TET3: variants seen among roughly 807,000 people sequenced by gnomAD.
TET3 encodes tet methylcytosine dioxygenase 3, also known as methylcytosine dioxygenase TET3.
In TET3, 19 loss-of-function variants were observed where a neutral mutation model predicts 141.4. The ratio of observed to expected loss-of-function variants is 0.13; its 90% confidence interval spans 0.09 to 0.20. The LOEUF is 0.20. Ranked by LOEUF, TET3 falls within the 10% of genes least tolerant of loss-of-function variation. The probability of loss-of-function intolerance (pLI) is 1.00; values close to 1 mark genes in which losing one functional copy is unlikely to be tolerated. For missense variants in TET3, 1,874 were observed against 2,356.9 expected (o/e 0.80, Z 4.24); for synonymous variants, 1,043 against 980.9 (o/e 1.06, Z -1.18).
intron 3 of TET3, among the ~76,000 whole-genome samples, chr2:74,018,185 T>G (rs911657444): frequency 6.6e-6 from 1 of 152,162 alleles, no homozygotes. Flanking sequence ...CAGGCTGTTT[T>G]CGAACTCGCG....
At chr2:74,086,046 C>G (rs555996844) in intron 6 of TET3, among the ~76,000 whole-genome samples, 1 of 152,180 alleles carries the variant, frequency 6.6e-6, no homozygotes, top group African/African-American at 2.4e-5. Context: ...ATTTTCTGCC[C>G]CCACTTTCTA....
At chr2:74,020,010 T>C (rs1685950455) in intron 3 of TET3, among the ~76,000 whole-genome samples, 1 of 152,222 alleles carries the variant, frequency 6.6e-6, no homozygotes, top group South Asian at 2.1e-4. Flanking sequence ...AAGCAGAGCT[T>C]GTACAGAACA....
chr2:74,130,401 G>A, the TET3 span, among the ~76,000 whole-genome samples: 1 of 152,200 alleles, frequency 6.6e-6, no homozygotes, highest in Admixed American at 6.5e-5. Flanking sequence ...CAATATTAGC[G>A]CCAGTGCAGG....
chr2:74,037,961 G>A (rs1380020958), intron 3 of TET3, among the ~76,000 whole-genome samples: 5 of 152,174 alleles, frequency 3.3e-5, no homozygotes, highest in South Asian at 2.1e-4. Context: ...GGGGAGTGGC[G>A]TTCCACACTT....
At chr2:74,072,686 T>C (rs1422762286) in intron 4 of TET3, among the ~76,000 whole-genome samples, 10 of 152,214 alleles carry the variant, frequency 6.6e-5, no homozygotes, top group Non-Finnish European at 1.3e-4. Flanking sequence ...CTGACACCAC[T>C]GTCTGTTTCC....
chr2:74,013,320 T>C (rs989897860), intron 3 of TET3, among the ~76,000 whole-genome samples: 2 of 151,946 alleles, frequency 1.3e-5, no homozygotes, highest in African/African-American at 4.8e-5. Context: ...TAACATGCTG[T>C]TTGATTTGAT....
At position 74,047,602 on chromosome 2, in the gene TET3, C is replaced by T. The variant is rs763900798; in HGVS notation, c.1685C>T (p.Pro562Leu). The change falls in exon 4 of 12, where the codon CCA (proline) becomes CTA (leucine). Residue 562 changes from proline to leucine, a missense_variant. By Grantham distance (98) the Pro-to-Leu change is moderately conservative. Transcript: ENST00000409262. Reference protein sequence around the residue: ...SEPSAPGWWPPPSSPVPRLPD... With the variant: ...SEPSAPGWWPLPSSPVPRLPD... ...CCTTCTGCTCCTGGCTGGTGGCCCC[C>T]ACCAAGTTCACCTGTCCCACGGCTT... 2.5e-6 allele frequency: 4 copies of T among 1,613,748 alleles called. No homozygotes were observed. Among genetic ancestry groups the T allele is most frequent in the African/African-American group, 2.7e-5 (2 of 74,940 alleles).
intron 5 of TET3, among the ~76,000 whole-genome samples, chr2:74,076,441 G>GTTTTT (rs70965785): frequency 2.1e-4 from 12 of 56,582 alleles, no homozygotes; most frequent in African/African-American, 6.2e-4. Flanking sequence ...ATTCCTCTGG[G>GTTTTT]TTTTTTTTTT....
the TET3 span, among the ~76,000 whole-genome samples, chr2:74,119,352 CAAA>C: frequency 1.4e-4 from 15 of 107,586 alleles, no homozygotes; most frequent in Non-Finnish European, 1.3e-4. Flanking sequence ...GACTCTATCT[CAAA>C]AAAAAAAAAA....
chr2:74,025,101 G>A (rs1200008081), intron 3 of TET3, among the ~76,000 whole-genome samples: 1 of 150,974 alleles, frequency 6.6e-6, no homozygotes. Flanking sequence ...GCGGGTGCCT[G>A]TGGTCCCAGC....
chr2:74,086,227 TG>T (rs1383652449), intron 6 of TET3, among the ~76,000 whole-genome samples: 1 of 152,224 alleles, frequency 6.6e-6, no homozygotes, highest in African/African-American at 2.4e-5. Context: ...TGGCATTCTC[TG>T]GCAATTTTCA....
chr2:74,071,787 T>A (rs1689218174), intron 4 of TET3, among the ~76,000 whole-genome samples: 1 of 152,218 alleles, frequency 6.6e-6, no homozygotes, highest in Admixed American at 6.5e-5. Context: ...AGTTTTTTTG[T>A]TTTTAGCCTC....
intron 2 of TET3, among the ~76,000 whole-genome samples, chr2:74,001,989 GTGTT>G (rs1403672785): frequency 2.6e-5 from 4 of 152,070 alleles, no homozygotes; most frequent in African/African-American, 9.7e-5. Context: ...TGAGGTGTGG[GTGTT>G]TGTGTGTGTG....
At chr2:74,097,507 G>C (rs1011125313) in intron 10 of TET3, among the ~76,000 whole-genome samples, 2 of 152,128 alleles carry the variant, frequency 1.3e-5, no homozygotes, top group African/African-American at 2.4e-5. Flanking sequence ...TAATTGTCAG[G>C]AAAGAACTTT....
intron 3 of TET3, among the ~76,000 whole-genome samples, chr2:74,033,242 C>G (rs1022202833): frequency 1.3e-5 from 2 of 152,220 alleles, no homozygotes; most frequent in Admixed American, 1.3e-4. Flanking sequence ...GAAAGTTACT[C>G]ATCCTCTATC....
chr2:74,051,599 G>A (rs1296494901), intron 4 of TET3, among the ~76,000 whole-genome samples: 1 of 152,212 alleles, frequency 6.6e-6, no homozygotes, highest in East Asian at 1.9e-4. Flanking sequence ...CCTGTGGTAG[G>A]AGACCCGTTA....
chr2:74,119,283 G>A, the TET3 span, among the ~76,000 whole-genome samples: 1 of 151,694 alleles, frequency 6.6e-6, no homozygotes, highest in East Asian at 1.9e-4. Flanking sequence ...AACCGGGGAG[G>A]CGGAGGTTGC....
intron 3 of TET3, among the ~76,000 whole-genome samples, chr2:74,038,226 A>G (rs1336813775): frequency 6.6e-6 from 1 of 152,170 alleles, no homozygotes. Flanking sequence ...CTGTATGCAC[A>G]TATGAACTCT....
chr2:74,086,274 C>T (rs1690155645), intron 6 of TET3, among the ~76,000 whole-genome samples: 1 of 152,150 alleles, frequency 6.6e-6, no homozygotes, highest in South Asian at 2.1e-4. Context: ...CCTCTTGGCC[C>T]TGACATCTTT....
Sources: gnomAD v4.1 joint callset for allele counts (sites outside exome capture counted in the v4.1 genomes callset) on GRCh38, gnomAD v4.1.1 for gene constraint, MANE v1.5 for transcripts, NCBI Gene and HGNC (gene_info 2026-07-23, HGNC 2026-07-21) for gene names.